The following ATRNL1 variants were observed in gnomAD, a reference collection of about 807,000 sequenced individuals.
ATRNL1 encodes the protein attractin like 1, also known as attractin-like protein 1.
In ATRNL1, 95 loss-of-function variants were observed where a neutral mutation model predicts 182.7. The observed-to-expected ratio is 0.52, with a 90% CI of 0.44 to 0.62. The LOEUF (loss-of-function observed/expected upper bound fraction) is 0.62, where lower values mean the gene tolerates loss of function less well. ATRNL1 is among the 20% of genes least tolerant of loss of function. The probability of loss-of-function intolerance (pLI) is 0.00; values close to 1 mark genes in which losing one functional copy is unlikely to be tolerated. For synonymous variants in ATRNL1, 576 were observed against 568.3 expected, an observed-to-expected ratio of 1.01 and a Z score of -0.19; for missense variants, 1,471 against 1,679.5, an observed-to-expected ratio of 0.88 and a Z score of 2.17.
chr10:115,292,293 A>G (rs1554921131), intron 15 of ATRNL1, among the ~76,000 whole-genome samples: 2 of 151,854 alleles, frequency 1.3e-5, no homozygotes, highest in East Asian at 1.9e-4. Context: ...TATTTTTTGA[A>G]CAAGACCAAC....
chr10:115,318,209 A>G (rs1854401057), intron 18 of ATRNL1, among the ~76,000 whole-genome samples: 1 of 152,132 alleles, frequency 6.6e-6, no homozygotes, highest in Non-Finnish European at 1.5e-5. Flanking sequence ...TGATTTGCAT[A>G]TGTTGAACTA....
chr10:115,253,557 T>C (rs1850975098), intron 10 of ATRNL1, among the ~76,000 whole-genome samples: 1 of 152,154 alleles, frequency 6.6e-6, no homozygotes, highest in Non-Finnish European at 1.5e-5. Context: ...AAATTTATTT[T>C]TCACCCATTA....
chr10:115,425,116 C>A (rs1157972023), intron 20 of ATRNL1, among the ~76,000 whole-genome samples: 1 of 151,876 alleles, frequency 6.6e-6, no homozygotes, highest in African/African-American at 2.4e-5. Context: ...TAAAAACTAG[C>A]TAGCACATGG....
intron 27 of ATRNL1, among the ~76,000 whole-genome samples, chr10:115,729,151 G>T (rs183334575): frequency 9.9e-5 from 15 of 152,174 alleles, no homozygotes; most frequent in Admixed American, 4.6e-4. Context: ...TCAGTTGCAC[G>T]TTAATAGTGT....
At chr10:115,578,196 A>G (rs1555006007) in intron 26 of ATRNL1, among the ~76,000 whole-genome samples, 1 of 151,818 alleles carries the variant, frequency 6.6e-6, no homozygotes, top group Non-Finnish European at 1.5e-5. Context: ...TTTAGCAGCA[A>G]TATTGGCCCA....
chr10:115,438,472 A>G (rs10885710), intron 21 of ATRNL1, among the ~76,000 whole-genome samples: 33,771 of 151,910 alleles, frequency 0.22, 4,719 homozygotes, highest in Non-Finnish European at 0.32. Flanking sequence ...TTTTATGCAT[A>G]TACATTTTAG....
intron 18 of ATRNL1, 30 bp downstream of exon 18, chr10:115,315,766 G>A (rs782408781): frequency 6.3e-7 from 1 of 1,576,162 alleles, no homozygotes; most frequent in South Asian, 1.1e-5. Context: ...AACAATTTCA[G>A]TTTCTGCTTA....
At position 115,215,806 on chromosome 10, in the gene ATRNL1, G is replaced by T. The variant is rs782321500; in HGVS notation, c.1458G>T (p.Gly486=). Residue 486 remains glycine, a synonymous_variant, in exon 9 of 29, where the codon GGG becomes GGT. Coordinates refer to ENST00000355044, the MANE Select transcript of ATRNL1 (RefSeq NM_207303.4). ...EITKSIYVHG[G]YKALPGNKYG... is the part of the protein sequence containing the mutation. ...CAAAGTCCATTTATGTTCATGGAGG[G>T]TATAAAGCATTGCCAGGGAACAAAT... 13 of 1,606,072 alleles carry T rather than the reference G, an allele frequency of 8.1e-6. No individual in the cohort carries two copies. The highest frequency in any genetic ancestry group is 1.7e-4 in the Middle Eastern group (1 of 6,038).
intron 26 of ATRNL1, among the ~76,000 whole-genome samples, chr10:115,631,189 G>A (rs1268862674): frequency 1.3e-5 from 2 of 151,788 alleles, no homozygotes; most frequent in East Asian, 3.9e-4. Flanking sequence ...TTGTATACTC[G>A]AAACTTACTA....
chr10:115,434,517 A>T lies in ATRNL1; in HGVS notation c.3322+8215A>T, dbSNP rs377121446. Among the ~76,000 whole-genome samples, 41 of 152,322 alleles carry T rather than the reference A, an allele frequency of 2.7e-4. No individual in the cohort carries two copies. The East Asian group carries it at 7.3e-3, about 27-fold the overall frequency. On this transcript the variant is annotated intron_variant, in intron 21 of 28. Coordinates refer to ENST00000355044, the MANE Select transcript of ATRNL1 (RefSeq NM_207303.4). ...CATTAAAGAAGTGGAAATCAGTGGT[A>T]TATGTAAGCAAAAAGTTTTTATATG...
chr10:115,282,399 C>T (rs1852409978), intron 14 of ATRNL1, among the ~76,000 whole-genome samples: 1 of 150,862 alleles, frequency 6.6e-6, no homozygotes, highest in African/African-American at 2.4e-5. Flanking sequence ...CCAATGCTAT[C>T]CCTCCCCCCT....
At chr10:115,644,758 C>T (rs1470919063) in intron 26 of ATRNL1, among the ~76,000 whole-genome samples, 2 of 152,156 alleles carry the variant, frequency 1.3e-5, no homozygotes, top group African/African-American at 4.8e-5. Context: ...CATCTGTATA[C>T]ATACTTGGGA....
At chr10:115,558,068 A>AAAC (rs1853429790) in intron 26 of ATRNL1, among the ~76,000 whole-genome samples, 1 of 150,780 alleles carries the variant, frequency 6.6e-6, no homozygotes, top group African/African-American at 2.5e-5. Context: ...AAAAAAACAA[A>AAAC]AAAAAAAAAC....
intron 26 of ATRNL1, among the ~76,000 whole-genome samples, chr10:115,576,977 T>A (rs1357123531): frequency 6.6e-6 from 1 of 151,878 alleles, no homozygotes; most frequent in Non-Finnish European, 1.5e-5. Context: ...CACCACCATT[T>A]ATGGAAGAGA....
chr10:115,498,411 G>C (rs1469084441), intron 24 of ATRNL1, among the ~76,000 whole-genome samples: 2 of 151,850 alleles, frequency 1.3e-5, no homozygotes, highest in Admixed American at 1.3e-4. Context: ...CTCAACTTGG[G>C]TTTTAAAATT....
chr10:115,301,094 A>G (rs535737220), intron 16 of ATRNL1, among the ~76,000 whole-genome samples: 1 of 152,194 alleles, frequency 6.6e-6, no homozygotes, highest in African/African-American at 2.4e-5. Flanking sequence ...AAGGTTGACC[A>G]ATATTACATT....
intron 25 of ATRNL1, among the ~76,000 whole-genome samples, chr10:115,529,218 T>C (rs2133738529): frequency 6.6e-6 from 1 of 152,202 alleles, no homozygotes; most frequent in Non-Finnish European, 1.5e-5. Context: ...GTTGAATTAT[T>C]GTTTTAATCA....
intron 10 of ATRNL1, among the ~76,000 whole-genome samples, chr10:115,253,942 A>T (rs1554906045): frequency 6.6e-6 from 1 of 152,118 alleles, no homozygotes; most frequent in East Asian, 1.9e-4. Flanking sequence ...AGCTTCATCC[A>T]TGTCCCTGCA....
At chr10:115,816,185 T>C (rs1489626899) in intron 27 of ATRNL1, among the ~76,000 whole-genome samples, 1 of 152,170 alleles carries the variant, frequency 6.6e-6, no homozygotes, top group African/African-American at 2.4e-5. Context: ...GGTCAGATTC[T>C]TTGAGTCTGT....
Sources: gnomAD v4.1 joint callset for allele counts (sites outside exome capture counted in the v4.1 genomes callset) on GRCh38, gnomAD v4.1.1 for gene constraint, MANE v1.5 for transcripts, NCBI Gene and HGNC (gene_info 2026-07-23, HGNC 2026-07-21) for gene names.